Variants in PSD3 observed in about 807,000 individuals in gnomAD.
PSD3 encodes the protein PH and SEC7 domain-containing protein 3.
In PSD3, 49 loss-of-function variants were observed where a neutral mutation model predicts 105.5. That is an observed-to-expected ratio of 0.46 (90% CI 0.37 to 0.59). PSD3 has a LOEUF of 0.59. Among genes scored for constraint, PSD3 ranks in the 20% least tolerant of loss-of-function variants. The pLI is 0.00. For synonymous variants in PSD3, 557 were observed against 457.8 expected (o/e 1.22, Z -2.77); for missense variants, 1,561 against 1,263.8 (o/e 1.24, Z -3.57).
intron 1 of PSD3, among the ~76,000 whole-genome samples, chr8:18,996,648 G>A (rs918074424): frequency 6.6e-5 from 10 of 151,778 alleles, no homozygotes; most frequent in East Asian, 5.8e-4. Context: ...ATTGGTATTC[G>A]AACATGCTGT....
intron 2 of PSD3, among the ~76,000 whole-genome samples, chr8:18,931,392 G>A (rs1205158099): frequency 6.6e-6 from 1 of 151,872 alleles, no homozygotes; most frequent in African/African-American, 2.4e-5. Context: ...ATATGCTACA[G>A]CATCCATTCA....
At chr8:18,604,705 A>T (rs1167066742) in intron 11 of PSD3, among the ~76,000 whole-genome samples, 1 of 152,166 alleles carries the variant, frequency 6.6e-6, no homozygotes, top group Non-Finnish European at 1.5e-5. Flanking sequence ...AGGAGGGAAG[A>T]ATGGTTTCAT....
intron 1 of PSD3, among the ~76,000 whole-genome samples, chr8:19,021,996 C>G (rs760180210): frequency 1.3e-5 from 2 of 152,158 alleles, no homozygotes; most frequent in Non-Finnish European, 2.9e-5. Flanking sequence ...AAGCAGAGCA[C>G]CAACATCTGC....
At chr8:19,033,974 A>G (rs996327476) in intron 1 of PSD3, among the ~76,000 whole-genome samples, 1 of 152,192 alleles carries the variant, frequency 6.6e-6, no homozygotes, top group Non-Finnish European at 1.5e-5. Context: ...AAGATAAATA[A>G]ATATCTAGGG....
At chr8:18,903,282 G>A (rs143842076) in intron 2 of PSD3, among the ~76,000 whole-genome samples, 1 of 152,220 alleles carries the variant, frequency 6.6e-6, no homozygotes, top group East Asian at 1.9e-4. Flanking sequence ...CGGCAACTCG[G>A]GTCCCAGGGA....
At chr8:18,870,698 C>A (rs1817276155) in intron 3 of PSD3, among the ~76,000 whole-genome samples, 1 of 151,478 alleles carries the variant, frequency 6.6e-6, no homozygotes. Flanking sequence ...AAAAAAAAGG[C>A]CATAAATCAA....
intron 2 of PSD3, among the ~76,000 whole-genome samples, chr8:18,911,191 C>T (rs900408102): frequency 2.0e-5 from 3 of 152,132 alleles, no homozygotes; most frequent in African/African-American, 7.2e-5. Flanking sequence ...TAGCATTATC[C>T]CCTCTTTCCT....
At chr8:18,886,968 T>G (rs1818487765) in intron 2 of PSD3, 1 of 152,178 alleles carries the variant, frequency 6.6e-6, no homozygotes. Context: ...TTTTTATATT[T>G]GTGAAAACTA....
At chr8:18,763,014 A>G in intron 9 of PSD3, 1 of 785,080 alleles carries the variant, frequency 1.3e-6, no homozygotes, top group Non-Finnish European at 1.9e-6. Flanking sequence ...ATCTTCTCCA[A>G]TCCCACAACA....
chr8:18,944,954 A>G (rs1427849960), intron 1 of PSD3, among the ~76,000 whole-genome samples: 1 of 152,190 alleles, frequency 6.6e-6, no homozygotes, highest in Non-Finnish European at 1.5e-5. Context: ...ATTTTAAAAC[A>G]AAACTGGTTC....
chr8:18,841,987 G>A (rs113245349), intron 4 of PSD3, among the ~76,000 whole-genome samples: 5,111 of 152,222 alleles, frequency 0.034, 191 homozygotes, highest in African/African-American at 0.085. Context: ...CCCTGCCCAC[G>A]TGTCACAGGA....
At chr8:18,850,596 T>C (rs960395364) in intron 4 of PSD3, among the ~76,000 whole-genome samples, 9 of 152,174 alleles carry the variant, frequency 5.9e-5, no homozygotes, top group Non-Finnish European at 1.2e-4. Context: ...AAGACAATTG[T>C]CGTAAGTTAT....
chr8:18,812,964 G>C (rs548250504), intron 4 of PSD3, among the ~76,000 whole-genome samples: 2 of 152,258 alleles, frequency 1.3e-5, no homozygotes, highest in Admixed American at 1.3e-4. Context: ...GATCAGTTTT[G>C]CTTGTGGTGT....
intron 15 of PSD3, among the ~76,000 whole-genome samples, chr8:18,536,826 T>A (rs1415775566): frequency 6.6e-6 from 1 of 151,954 alleles, no homozygotes; most frequent in Non-Finnish European, 1.5e-5. Context: ...TAGAGAAGGG[T>A]CTCAGATTCT....
At position 18,791,847 on chromosome 8, in the gene PSD3, C is replaced by T. The variant is rs28759818; in HGVS notation, c.2082+7448G>A. The stretch of plus-strand genomic sequence containing the variant: ...ATCCATCTGACAATGGTCTAATACC[C>T]GGCACCTACAAGGAATTTAAATGTA... On this transcript the variant is annotated intron_variant, in intron 8 of 15. Transcript: ENST00000327040. 1.4e-4 allele frequency among the ~76,000 whole-genome samples: 22 copies of T among 152,140 alleles called. No individual in the cohort carries two copies. In the East Asian group the frequency reaches 3.3e-3, roughly 23 times the overall value.
chr8:18,700,625 A>T (rs2131035176), intron 9 of PSD3, among the ~76,000 whole-genome samples: 1 of 152,354 alleles, frequency 6.6e-6, no homozygotes, highest in East Asian at 1.9e-4. Flanking sequence ...AACAGAAGCC[A>T]AGCCTCGAGA....
chr8:18,725,206 G>A (rs534599139), intron 9 of PSD3, among the ~76,000 whole-genome samples: 2 of 152,016 alleles, frequency 1.3e-5, no homozygotes, highest in African/African-American at 4.8e-5. Context: ...GGTCTAACGC[G>A]ACGCAAGCCC....
Position 18,765,458 on chromosome 8 carries a change from A to G in PSD3, c.2163T>C (p.Asp721=), listed in dbSNP as rs1370430029. The G allele has an allele frequency of 1.2e-6, 2 of 1,607,646 alleles. No homozygotes were observed. The highest frequency in any genetic ancestry group is 2.2e-5 in the East Asian group (1 of 44,836). The part of the protein sequence containing the change: ...GVNEGVDFSK[D]LLKALYNSIK... ...ATAGTTCCATGCTTACTTTCAGCAGATCCTTGGAGAAATCAACACCCTCAT... is the reference window on the plus strand; with the variant it reads ...ATAGTTCCATGCTTACTTTCAGCAGGTCCTTGGAGAAATCAACACCCTCAT... The change falls in exon 9 of 16, where the codon GAT becomes GAC. Residue 721 remains aspartate, a synonymous_variant. Transcript: ENST00000327040.
In PSD3 at chr8:18,687,882, G is replaced by A. The variant is rs960766272; in HGVS notation, c.2173-32197C>T. On this transcript the variant is annotated intron_variant, in intron 9 of 15. Coordinates refer to ENST00000327040, the MANE Select transcript of PSD3 (RefSeq NM_015310.4). Reference sequence around the variant, plus strand: ...CCCGGGTTCAAGTAATTCTCCCTGCGTCAGCCTCTGGAGTAGCTGGGATTA... The same window carrying A: ...CCCGGGTTCAAGTAATTCTCCCTGCATCAGCCTCTGGAGTAGCTGGGATTA... 7.2e-5 allele frequency among the ~76,000 whole-genome samples: 11 copies of A among 152,014 alleles called. No homozygotes were observed. The South Asian group carries it at 1.0e-3, about 14-fold the overall frequency.
Sources: gnomAD v4.1 joint callset for allele counts (sites outside exome capture counted in the v4.1 genomes callset) on GRCh38, gnomAD v4.1.1 for gene constraint, MANE v1.5 for transcripts, NCBI Gene and HGNC (gene_info 2026-07-23, HGNC 2026-07-21) for gene names.